CKAP2: variants seen among roughly 807,000 people sequenced by gnomAD.
CKAP2 encodes the protein cytoskeleton associated protein 2.
In CKAP2, 46 loss-of-function variants were observed where a neutral mutation model predicts 58.4. The ratio of observed to expected loss-of-function variants is 0.79; its 90% CI spans 0.62 to 1.01. The LOEUF (loss-of-function observed/expected upper bound fraction) is 1.01. Among genes scored for constraint, CKAP2 ranks in the 50% least tolerant of loss-of-function variants. The pLI is 0.00. For synonymous variants in CKAP2, 293 were observed against 280.9 expected (o/e 1.04, Z -0.43); for missense variants, 809 against 796.4 (o/e 1.02, Z -0.19).
At chr13:52,469,597 A>ATTTTTTTTT (rs1287024424) in intron 7 of CKAP2, among the ~76,000 whole-genome samples, 1 of 136,836 alleles carries the variant, frequency 7.3e-6, no homozygotes, top group African/African-American at 3.0e-5. Flanking sequence ...TTATTTATTT[A>ATTTTTTTTT]TTTTTTTTTT....
In CKAP2 at chr13:52,468,347, G is replaced by A. The variant is rs1958712677; in HGVS notation, c.1546G>A (p.Gly516Arg). The change falls in exon 7 of 9, where the codon GGA becomes AGA. Residue 516 changes from glycine to arginine, a missense_variant and splice_region_variant. Transcript: ENST00000258607. ...TMKSQEKANL[G>R]ENMEKSCASK... ...GAAGAGTCAAGAAAAAGCTAATTTA[G>A]GTAAGTTTTAGTTATTTTATTTCCT... 1.3e-6 allele frequency: 2 copies of A among 1,572,562 alleles called. No homozygotes were observed. The highest frequency in any genetic ancestry group is 1.7e-6 in the Non-Finnish European group (2 of 1,151,708).
At chr13:52,474,870 T>C in intron 8 of CKAP2, 25 bp from the exon 9 acceptor site, 1 of 1,600,872 alleles carries the variant, frequency 6.2e-7, no homozygotes. Context: ...GTTTTTGAAC[T>C]CTGGAATATT....
At chr13:52,468,227 CAG>C in intron 6 of CKAP2, 49 bp from the exon 7 acceptor site, 1 of 1,115,460 alleles carries the variant, frequency 9.0e-7, no homozygotes, top group Non-Finnish European at 1.3e-6. Context: ...TAGTTAATGT[CAG>C]AGAAAATAAA....
chr13:52,460,809 AT>A lies in CKAP2; in HGVS notation c.156-88del, dbSNP rs1349071407. The stretch of plus-strand genomic sequence containing the variant: ...AAATTTAAAATTAGTAAGTCAGTTA[AT>A]TGTTAACATTGCCCTCTTCTTCCTC... On this transcript the variant is annotated intron_variant, in intron 2 of 8. Coordinates refer to ENST00000258607, the MANE Select transcript of CKAP2 (RefSeq NM_018204.5). The A allele has an allele frequency of 8.4e-6, 9 of 1,076,446 alleles. No homozygotes were observed. In the African/African-American group the frequency reaches 1.1e-4, roughly 13 times the overall value. 66.7% of individuals were successfully genotyped at this position (1,076,446 alleles called of 1,614,324 possible).
rs1279420474 is a variant in CKAP2, at chr13:52,461,398, G to T, written c.572G>T (p.Arg191Ile). 1 of 1,614,202 alleles carries T rather than the reference G, an allele frequency of 6.2e-7. No homozygotes were observed. The highest frequency in any genetic ancestry group is 2.2e-5 in the East Asian group (1 of 44,884). ...GTTCAGTCTAAGATTAATTCATTTA[G>T]AAAACCTCTACAAGTCAAAGATGAG... The part of the protein sequence containing the change: ...QIVQSKINSF[R>I]KPLQVKDESS... Residue 191 changes from arginine to isoleucine, a missense_variant, in exon 4 of 9, where the codon AGA (arginine) becomes ATA (isoleucine). Arg to Ile is a moderately conservative substitution (Grantham distance 97). Transcript: ENST00000258607.
Position 52,461,573 on chromosome 13 carries a change from A to G in CKAP2, c.747A>G (p.Thr249=), listed in dbSNP as rs1470871579. The G allele has an allele frequency of 1.2e-6, 2 of 1,614,158 alleles. No homozygotes were observed. Among genetic ancestry groups the G allele is most frequent in the East Asian group, 4.5e-5 (2 of 44,882 alleles). ...TTGTGAGCACTACATCTCAGAACAC[A>G]CAACTTGTGCGACCTCCTATTAGAA... ...TKFVSTTSQN[T]QLVRPPIRSH... is the part of the protein sequence containing the mutation. The change falls in exon 4 of 9, where the codon ACA becomes ACG. Residue 249 remains threonine, a synonymous_variant. Coordinates refer to ENST00000258607, the MANE Select transcript of CKAP2 (RefSeq NM_018204.5).
At position 52,460,059 on chromosome 13, in the gene CKAP2, G is replaced by A. The variant is rs897357586; in HGVS notation, c.156-840G>A. 5.3e-5 allele frequency among the ~76,000 whole-genome samples: 8 copies of A among 152,012 alleles called. No individual in the cohort carries two copies. The East Asian group carries it at 1.2e-3, about 22-fold the overall frequency. ...TTTTTTGTAGAGATGGGGTTTTGCC[G>A]TGTTGCCCAGGCTGCTCTCGAACTC... On this transcript the variant is annotated intron_variant, in intron 2 of 8. Coordinates refer to ENST00000258607, the MANE Select transcript of CKAP2 (RefSeq NM_018204.5).
Position 52,461,190 on chromosome 13 carries a change from G to C in CKAP2, c.364G>C (p.Asp122His). Residue 122 changes from aspartate to histidine, a missense_variant, in exon 4 of 9, where the codon GAT becomes CAT. By Grantham distance (81) the Asp-to-His change is moderately conservative. Around this residue, in one of 3 missense-constraint regions of CKAP2, gnomAD observed 523 missense variants for 492.4 expected, o/e 1.06. Transcript: ENST00000258607. The stretch of plus-strand genomic sequence containing the variant: ...AGTAATTGACACACATAAACCTAAG[G>C]ATAGTAATCAAACTCCGCATTTGTT... Reference protein sequence around the residue: ...TVVIDTHKPKDSNQTPHLLLT... With the variant: ...TVVIDTHKPKHSNQTPHLLLT... 6.2e-7 allele frequency: 1 copy of C among 1,613,886 alleles called. No homozygotes were observed.
Position 52,461,624 on chromosome 13 carries a change from T to C in CKAP2, c.798T>C (p.Thr266=), listed in dbSNP as rs749520168. The change falls in exon 4 of 9, where the codon ACT becomes ACC. Residue 266 remains threonine, a synonymous_variant. Coordinates refer to ENST00000258607, the MANE Select transcript of CKAP2 (RefSeq NM_018204.5). ...IRSHHSNTRD[T]VKQGISRTSA... Reference sequence around the variant, plus strand: ...GTCATCACAGTAATACCCGGGACACTGTGAAACAAGGCATCAGTAGAACTT... The same window carrying C: ...GTCATCACAGTAATACCCGGGACACCGTGAAACAAGGCATCAGTAGAACTT... The C allele has an allele frequency of 1.9e-6, 3 of 1,614,102 alleles. No homozygotes were observed. The highest frequency in any genetic ancestry group is 1.7e-6 in the Non-Finnish European group (2 of 1,180,012).
At chr13:52,470,208 C>T (rs375878218) in intron 7 of CKAP2, among the ~76,000 whole-genome samples, 5 of 151,548 alleles carry the variant, frequency 3.3e-5, no homozygotes, top group South Asian at 2.1e-4. Context: ...TGGGTTCAAG[C>T]GATTCTCCCG....
At chr13:52,465,906 T>TATATATATACACAC (rs139530789) in intron 6 of CKAP2, 107,107 of 277,454 alleles carry the variant, frequency 0.39, 28,421 homozygotes, top group East Asian at 0.47. Flanking sequence ...CTCATATATG[T>TATATATATACACAC]ATATATATAC....
chr13:52,465,338 T>A lies in CKAP2; in HGVS notation c.1349T>A (p.Ile450Asn), dbSNP rs1958650718. The A allele has an allele frequency of 6.2e-7, 1 of 1,613,556 alleles. No individual in the cohort carries two copies. Among genetic ancestry groups the A allele is most frequent in the Non-Finnish European group, 8.5e-7 (1 of 1,179,678 alleles). ...EDILVTLNDL[I>N]KNIPDAKKLV... ...ATACTGGTCACACTGAATGACCTGATTAAAAATATTCCAGATGCCAAAAAG... is the reference window on the plus strand; with the variant it reads ...ATACTGGTCACACTGAATGACCTGAATAAAAATATTCCAGATGCCAAAAAG... Residue 450 changes from isoleucine (I) to asparagine (N), a missense_variant, in exon 6 of 9, where the codon ATT (isoleucine) becomes AAT (asparagine). Coordinates refer to ENST00000258607, the MANE Select transcript of CKAP2 (RefSeq NM_018204.5).
intron 7 of CKAP2, among the ~76,000 whole-genome samples, chr13:52,469,631 C>T (rs1318848331): frequency 2.7e-5 from 4 of 146,728 alleles, no homozygotes; most frequent in Admixed American, 6.8e-5. Context: ...GCTCTGTCGC[C>T]CAGGCCAGAC....
At chr13:52,470,605 GAAA>G (rs370191742) in intron 7 of CKAP2, among the ~76,000 whole-genome samples, 1 of 149,090 alleles carries the variant, frequency 6.7e-6, no homozygotes, top group Admixed American at 6.7e-5. Context: ...TGTATTAACT[GAAA>G]AAAAAAACTT....
At chr13:52,456,005 C>T (rs1284561167) in intron 1 of CKAP2, 6 of 1,065,950 alleles carry the variant, frequency 5.6e-6, no homozygotes, top group Non-Finnish European at 5.6e-6. Context: ...CTCTTAGGTC[C>T]CTAGCGAATT....
In CKAP2 at chr13:52,475,272, G is replaced by A; in HGVS notation, c.*131G>A. On this transcript the variant is annotated 3_prime_UTR_variant, in exon 9 of 9. Transcript: ENST00000258607. ...GTATCCTAAGCATTCACGGCAGTGA[G>A]CTCCTTTACTAACATTCATGTTATG... The A allele has an allele frequency of 9.3e-7, 1 of 1,077,722 alleles. No individual in the cohort carries two copies. Among genetic ancestry groups the A allele is most frequent in the Non-Finnish European group, 1.3e-6 (1 of 761,450 alleles). The allele number at this position is 1,077,722 out of a possible 1,614,324, so 66.8% of individuals were successfully genotyped here.
At chr13:52,459,670 T>C (rs1425880763) in intron 2 of CKAP2, among the ~76,000 whole-genome samples, 4 of 152,086 alleles carry the variant, frequency 2.6e-5, no homozygotes, top group African/African-American at 9.7e-5. Context: ...TAATGTGATC[T>C]CTGAACTTAG....
intron 5 of CKAP2, among the ~76,000 whole-genome samples, chr13:52,464,953 A>G (rs1396451541): frequency 6.6e-6 from 1 of 152,144 alleles, no homozygotes; most frequent in Non-Finnish European, 1.5e-5. Flanking sequence ...TTTCTGCCCT[A>G]TTATTTAATT....
rs138768856 is a variant in CKAP2, at chr13:52,461,644, G to T, written c.818G>T (p.Arg273Ile). 1.3e-5 allele frequency: 21 copies of T among 1,613,964 alleles called. No homozygotes were observed. The African/African-American group carries it at 2.7e-4, about 21-fold the overall frequency. Residue 273 changes from arginine to isoleucine, a missense_variant, in exon 4 of 9, where the codon AGA (arginine) becomes ATA (isoleucine). Physicochemically the swap from Arg to Ile is moderately conservative, Grantham distance 97. Transcript: ENST00000258607. Reference protein sequence around the residue: ...TRDTVKQGISRTSANVTIRKG... With the variant: ...TRDTVKQGISITSANVTIRKG... The stretch of plus-strand genomic sequence containing the variant: ...GACACTGTGAAACAAGGCATCAGTA[G>T]AACTTCTGCCAATGTTACAATCCGG...
Sources: allele counts gnomAD v4.1 joint callset (sites outside exome capture counted in the v4.1 genomes callset), GRCh38; gene constraint gnomAD v4.1.1; regional missense constraint gnomAD v4.1.1; transcripts MANE v1.5; gene names NCBI Gene and HGNC (gene_info 2026-07-23, HGNC 2026-07-21).